NCBP3: variants seen among roughly 807,000 people sequenced by gnomAD.
NCBP3 encodes nuclear cap-binding protein subunit 3.
A neutral mutation model predicts 75.7 loss-of-function variants in NCBP3; 20 were observed. That is an observed-to-expected ratio of 0.26 (90% confidence interval 0.19 to 0.38). The LOEUF is 0.38. Among genes scored for constraint, NCBP3 ranks in the 10% least tolerant of loss-of-function variants. The pLI is 1.00. For synonymous variants in NCBP3, 293 were observed against 290.5 expected, an observed-to-expected ratio of 1.01 and a Z score of -0.09; for missense variants, 678 against 796.9, an observed-to-expected ratio of 0.85 and a Z score of 1.80.
chr17:3,829,273 C>A lies in NCBP3; in HGVS notation c.451G>T (p.Ala151Ser), dbSNP rs1432430033. 1 of 1,551,532 alleles carries A rather than the reference C, an allele frequency of 6.4e-7. No individual in the cohort carries two copies. Among genetic ancestry groups the A allele is most frequent in the Non-Finnish European group, 8.7e-7 (1 of 1,146,960 alleles). Residue 151 changes from alanine (A) to serine (S), a missense_variant, in exon 4 of 13, where the codon GCT (alanine) becomes TCT (serine). Physicochemically the swap from Ala to Ser is moderately conservative, Grantham distance 99 (BLOSUM62 1). Coordinates refer to ENST00000389005, the MANE Select transcript of NCBP3 (RefSeq NM_001114118.3). ...GTATCATCCAACCATTCGATGTGAG[C>A]TGGAGGATATTCTTTAAAATAGGAA... ...VFSYFKEYPP[A>S]HIEWLDDTSC...
intron 3 of NCBP3, among the ~76,000 whole-genome samples, chr17:3,833,094 A>T (rs1429424264): frequency 6.6e-6 from 1 of 152,022 alleles, no homozygotes; most frequent in East Asian, 1.9e-4. Context: ...TCTACAAAAA[A>T]TTTTAAAAAT....
At position 3,811,912 on chromosome 17, in the gene NCBP3, T is replaced by A. The variant is rs2053422471; in HGVS notation, c.*1132A>T. 1 of 152,258 alleles carries A rather than the reference T, an allele frequency of 6.6e-6. No homozygotes were observed. The highest frequency in any genetic ancestry group is 2.4e-5 in the African/African-American group (1 of 41,456). The allele number at this position is 152,258 out of a possible 1,614,324, so 9.4% of individuals were successfully genotyped here. A position where few individuals can be genotyped will look rare whatever the true frequency, so the allele number is the denominator to read the frequency against. On this transcript the variant is annotated 3_prime_UTR_variant, in exon 13 of 13. Transcript: ENST00000389005. ...AAAAATAAATGAACTAAAATTTTTA[T>A]AACTATTATCTTTTCTGCCAATTTT...
At chr17:3,814,534 G>T in intron 11 of NCBP3, 51 bp from the exon 12 acceptor site, 1 of 1,593,322 alleles carries the variant, frequency 6.3e-7, no homozygotes, top group South Asian at 1.1e-5. Flanking sequence ...CTTTATGCTC[G>T]GCACCAGCCG....
At chr17:3,822,433 A>G (rs1187042857) in intron 7 of NCBP3, 1 of 164,976 alleles carries the variant, frequency 6.1e-6, no homozygotes, top group Non-Finnish European at 1.3e-5. Context: ...GATGATATTC[A>G]CTTCTGAAGG....
intron 4 of NCBP3, among the ~76,000 whole-genome samples, chr17:3,828,002 T>G (rs1472765977): frequency 6.6e-6 from 1 of 152,246 alleles, no homozygotes; most frequent in Non-Finnish European, 1.5e-5. Flanking sequence ...CACTGCTGCC[T>G]CTGCCTCCCA....
In NCBP3 at chr17:3,810,746, T is replaced by C. The variant is rs1486216855; in HGVS notation, c.*2298A>G. On this transcript the variant is annotated 3_prime_UTR_variant, in exon 13 of 13. Transcript: ENST00000389005. The stretch of plus-strand genomic sequence containing the variant: ...GTTCTCTCTGTGTGTCTGTGAAAAC[T>C]GTAAGGTTACTCGAGTGTGTATTTC... 1 of 152,194 alleles carries C rather than the reference T, an allele frequency of 6.6e-6. No homozygotes were observed. The highest frequency in any genetic ancestry group is 2.4e-5 in the African/African-American group (1 of 41,446). The allele number at this position is 152,194 out of a possible 1,614,324, so 9.4% of individuals were successfully genotyped here. A position where few individuals can be genotyped will look rare whatever the true frequency, so the allele number is the denominator to read the frequency against.
chr17:3,802,458 G>C lies in NCBP3; in HGVS notation c.*10586C>G, dbSNP rs2053278646. 6.6e-6 allele frequency: 1 copy of C among 152,218 alleles called. No homozygotes were observed. The highest frequency in any genetic ancestry group is 1.5e-5 in the Non-Finnish European group (1 of 68,040). 9.4% of individuals were successfully genotyped at this position (152,218 alleles called of 1,614,324 possible). ...TACTAGATCTTGCTCGGTTATGTGA[G>C]ATTACAATTCACCGGTTTCCATCCT... On this transcript the variant is annotated 3_prime_UTR_variant, in exon 13 of 13. Transcript: ENST00000389005.
At chr17:3,838,192 C>T (rs908775819) in intron 3 of NCBP3, among the ~76,000 whole-genome samples, 2 of 152,142 alleles carry the variant, frequency 1.3e-5, no homozygotes, top group African/African-American at 4.8e-5. Flanking sequence ...AGTGGGTGAG[C>T]AGAGATGCTC....
rs1448858293 is a variant in NCBP3 at position 3,807,017 on chromosome 17, A to G, written c.*6027T>C. On this transcript the variant is annotated 3_prime_UTR_variant, in exon 13 of 13. Transcript: ENST00000389005. ...TGAAGCCATGGTTTGCTGTGGCTTC[A>G]CAGTAAATTTTGACTTAAGTCTAAA... 6.6e-6 allele frequency: 1 copy of G among 152,236 alleles called. No individual in the cohort carries two copies. Among genetic ancestry groups the G allele is most frequent in the Non-Finnish European group, 1.5e-5 (1 of 68,042 alleles). 9.4% of individuals were successfully genotyped at this position (152,236 alleles called of 1,614,324 possible).
intron 2 of NCBP3, among the ~76,000 whole-genome samples, chr17:3,842,748 C>T (rs1172946554): frequency 6.6e-6 from 1 of 152,126 alleles, no homozygotes; most frequent in Non-Finnish European, 1.5e-5. Flanking sequence ...CAGGCTCCAG[C>T]GATCCTCCCA....
At chr17:3,814,578 T>C (rs1368898664) in intron 11 of NCBP3, 95 bp from the exon 12 acceptor site, 15 of 1,302,866 alleles carry the variant, frequency 1.2e-5, no homozygotes, top group Non-Finnish European at 1.6e-5. Context: ...CGCTAACCCC[T>C]GCCCCGAGGA....
Position 3,846,193 on chromosome 17 carries a change from C to A in NCBP3, c.31G>T (p.Val11Leu). 6.6e-7 allele frequency: 1 copy of A among 1,507,432 alleles called. No homozygotes were observed. The highest frequency in any genetic ancestry group is 1.2e-5 in the South Asian group (1 of 80,478). 93.4% of individuals were successfully genotyped at this position (1,507,432 alleles called of 1,614,324 possible). A position where few individuals can be genotyped will look rare whatever the true frequency, so the allele number is the denominator to read the frequency against. The part of the protein sequence containing the change: MAAVRGLRVS[V>L]KAEAPAGPAL... ...GGCCCCGCCGGGGCCTCCGCCTTCA[C>A]CGACACCCGCAGGCCCCGTACGGCC... Residue 11 changes from valine (V) to leucine (L), a missense_variant, in exon 1 of 13, where the codon GTG becomes TTG. By Grantham distance (32) the Val-to-Leu change is conservative. This residue lies in a region of NCBP3 where 76 missense variants were observed against 53.8 expected (regional missense o/e 1.41). Transcript: ENST00000389005. The surrounding 1 kb of genome is among the most constrained non-coding windows in gnomAD (Gnocchi z 4.6).
Position 3,829,239 on chromosome 17 carries a change from T to G in NCBP3, c.481+4A>C. 15 of 1,551,542 alleles carry G rather than the reference T, an allele frequency of 9.7e-6. No homozygotes were observed. Among genetic ancestry groups the G allele is most frequent in the Non-Finnish European group, 1.3e-5 (15 of 1,146,912 alleles). On this transcript the variant is annotated splice_donor_region_variant and intron_variant, in intron 4 of 12. Coordinates refer to ENST00000389005, the MANE Select transcript of NCBP3 (RefSeq NM_001114118.3). ...ATATTCACAGGAAACTCGGGTGTAC[T>G]TACAGGAGGTATCATCCAACCATTC... is the stretch of plus-strand genomic sequence containing the variant.
chr17:3,827,828 C>G (rs1477414067), intron 4 of NCBP3, among the ~76,000 whole-genome samples: 2 of 152,200 alleles, frequency 1.3e-5, no homozygotes, highest in Admixed American at 6.5e-5. Context: ...ATCTAGCCCA[C>G]CACCTGTTGT....
chr17:3,824,856 T>C (rs2053754675), intron 7 of NCBP3, 86 bp downstream of exon 7: 2 of 683,014 alleles, frequency 2.9e-6, no homozygotes, highest in African/African-American at 3.7e-5. Context: ...TTACTTGATC[T>C]AACTTCTATT....
chr17:3,817,050 G>A (rs556877387), intron 10 of NCBP3, among the ~76,000 whole-genome samples: 2 of 151,074 alleles, frequency 1.3e-5, no homozygotes, highest in East Asian at 3.9e-4. Context: ...AAAAAAGAAC[G>A]TGGTGAACAA....
intron 10 of NCBP3, among the ~76,000 whole-genome samples, chr17:3,817,992 A>ACACAC (rs2053579108): frequency 2.1e-5 from 3 of 143,994 alleles, no homozygotes; most frequent in African/African-American, 8.1e-5. Context: ...CACACACACA[A>ACACAC]ATAGCTGAAA....
intron 3 of NCBP3, among the ~76,000 whole-genome samples, chr17:3,830,071 G>A (rs909305582): frequency 3.3e-5 from 5 of 152,080 alleles, no homozygotes; most frequent in African/African-American, 1.2e-4. Context: ...GTGAAGTGCT[G>A]GCAGTAAGTA....
chr17:3,834,602 C>G (rs2053943077), intron 3 of NCBP3, among the ~76,000 whole-genome samples: 1 of 152,262 alleles, frequency 6.6e-6, no homozygotes, highest in East Asian at 1.9e-4. Flanking sequence ...ATGGAGAAAC[C>G]TCATCTCTAC....
Sources: allele counts gnomAD v4.1 joint callset (sites outside exome capture counted in the v4.1 genomes callset), GRCh38; gene constraint gnomAD v4.1.1; regional missense constraint gnomAD v4.1.1; non-coding constraint Gnocchi (gnomAD v3.1); transcripts MANE v1.5; gene names NCBI Gene and HGNC (gene_info 2026-07-23, HGNC 2026-07-21).